Variants in DNAH5 observed in about 807,000 individuals in gnomAD.
DNAH5 encodes the protein axonemal beta dynein heavy chain 5.
In DNAH5, 372 loss-of-function variants were observed where a neutral mutation model predicts 518.2. The observed-to-expected ratio is 0.72, with a 90% CI of 0.66 to 0.78. The LOEUF (loss-of-function observed/expected upper bound fraction) is 0.78, where lower values mean the gene tolerates loss of function less well. Among genes scored for constraint, DNAH5 ranks in the 30% least tolerant of loss-of-function variants. The probability of loss-of-function intolerance (pLI) is 0.00; values close to 1 mark genes in which losing one functional copy is unlikely to be tolerated. For missense variants in DNAH5, 5,523 were observed against 5,687.0 expected, an observed-to-expected ratio of 0.97 and a Z score of 0.93; for synonymous variants, 2,039 against 2,025.9, an observed-to-expected ratio of 1.01 and a Z score of -0.17.
At chr5:13,838,370 A>G (rs932688890) in intron 35 of DNAH5, among the ~76,000 whole-genome samples, 10 of 152,148 alleles carry the variant, frequency 6.6e-5, no homozygotes, top group African/African-American at 2.2e-4. Context: ...AAGTGAGAGA[A>G]GCTTCATCTC....
chr5:13,981,373 G>T (rs1347708333), intron 1 of DNAH5, among the ~76,000 whole-genome samples: 1 of 152,180 alleles, frequency 6.6e-6, no homozygotes, highest in Non-Finnish European at 1.5e-5. Context: ...CACCGTGCCT[G>T]GCTTAGAGTG....
intron 49 of DNAH5, among the ~76,000 whole-genome samples, chr5:13,793,110 G>A (rs1412385443): frequency 1.3e-5 from 2 of 152,066 alleles, no homozygotes; most frequent in Admixed American, 1.3e-4. Flanking sequence ...TATTTCTTTG[G>A]CCAAAATCAT....
At position 13,917,243 on chromosome 5, in the gene DNAH5, A is replaced by G; in HGVS notation, c.989T>C (p.Met330Thr). 6.2e-7 allele frequency: 1 copy of G among 1,613,790 alleles called. No homozygotes were observed. Among genetic ancestry groups the G allele is most frequent in the Admixed American group, 1.7e-5 (1 of 60,016 alleles). The change falls in exon 8 of 79, where the codon ATG becomes ACG. Residue 330 changes from methionine (M) to threonine (T), a missense_variant. This residue lies in a region of DNAH5 where 5,121 missense variants were observed against 5,223.3 expected (regional missense o/e 0.98). Coordinates refer to ENST00000265104, the MANE Select transcript of DNAH5 (RefSeq NM_001369.3). Reference sequence around the variant, plus strand: ...AGTTGCATCAGTGATTCGAATATCCATCTCCCGCCAAGTCTAAGCACAATA... The same window carrying G: ...AGTTGCATCAGTGATTCGAATATCCGTCTCCCGCCAAGTCTAAGCACAATA... ...KSKLLKTWRE[M>T]DIRITDATNE...
chr5:13,950,003 G>T (rs557737634), intron 1 of DNAH5, among the ~76,000 whole-genome samples: 3 of 152,134 alleles, frequency 2.0e-5, no homozygotes, highest in Non-Finnish European at 4.4e-5. Flanking sequence ...CTGGCTCCAA[G>T]AAAAATGCAC....
At chr5:13,902,651 T>C (rs1427811492) in intron 12 of DNAH5, among the ~76,000 whole-genome samples, 1 of 152,192 alleles carries the variant, frequency 6.6e-6, no homozygotes, top group Admixed American at 6.5e-5. Context: ...AAAGCACCCA[T>C]AGACAGTACA....
chr5:13,813,297 C>T (rs2127036150), intron 43 of DNAH5, among the ~76,000 whole-genome samples: 1 of 152,236 alleles, frequency 6.6e-6, no homozygotes, highest in Non-Finnish European at 1.5e-5. Context: ...CATGCATTAG[C>T]TAGTACTCCT....
Position 13,810,251 on chromosome 5 carries a change from C to T in DNAH5, c.7417G>A (p.Gly2473Arg), listed in dbSNP as rs761488491. ...CCCAGGTGAGCCTGGCTCACCTCCC[C>T]GCCTTGCTCCTGAGAAGGAAAGACA... ...QGLIPLKEQG[G>R]EVSQAHLGRL... Residue 2473 changes from glycine (G) to arginine (R), a missense_variant, in exon 45 of 79, where the codon GGG (glycine) becomes AGG (arginine). By Grantham distance (125) the Gly-to-Arg change is moderately radical (BLOSUM62 -2). Coordinates refer to ENST00000265104, the MANE Select transcript of DNAH5 (RefSeq NM_001369.3). 5 of 1,550,466 alleles carry T rather than the reference C, an allele frequency of 3.2e-6. No individual in the cohort carries two copies. The highest frequency in any genetic ancestry group is 2.4e-5 in the South Asian group (2 of 84,088).
intron 35 of DNAH5, among the ~76,000 whole-genome samples, chr5:13,832,334 G>T (rs903907560): frequency 6.6e-6 from 1 of 152,186 alleles, no homozygotes; most frequent in Non-Finnish European, 1.5e-5. Flanking sequence ...TGAAAAGCAG[G>T]TGGGCATGCC....
At chr5:13,937,881 G>C (rs1386671271) in intron 1 of DNAH5, among the ~76,000 whole-genome samples, 1 of 152,044 alleles carries the variant, frequency 6.6e-6, no homozygotes, top group Non-Finnish European at 1.5e-5. Context: ...GAATAATATA[G>C]GTTAAAATCC....
rs570560173 is a variant in DNAH5, at chr5:13,891,177, A to T, written c.2432-56T>A. ...GATTAGGTAAAGCATTTTGTTTTTT[A>T]AAAAAATCAACACTTGATTAAATGA... On this transcript the variant is annotated intron_variant, in intron 16 of 78. Transcript: ENST00000265104. 3.7e-4 allele frequency: 589 copies of T among 1,583,720 alleles called. 3 individuals are homozygous for T. The highest frequency in any genetic ancestry group is 3.6e-3 in the South Asian group (321 of 90,188).
chr5:13,935,597 T>C (rs538141117), intron 1 of DNAH5, among the ~76,000 whole-genome samples: 63 of 152,218 alleles, frequency 4.1e-4, no homozygotes, highest in Non-Finnish European at 8.4e-4. Context: ...TGTTTATCAA[T>C]CTCAACTTTC....
At chr5:13,866,529 A>C (rs926026293) in intron 25 of DNAH5, among the ~76,000 whole-genome samples, 19 of 152,208 alleles carry the variant, frequency 1.2e-4, no homozygotes, top group African/African-American at 4.6e-4. Flanking sequence ...TGTATTATTC[A>C]TTTCTTAGGT....
chr5:13,948,077 G>A (rs1274725092), upstream of DNAH5, among the ~76,000 whole-genome samples: 1 of 152,194 alleles, frequency 6.6e-6, no homozygotes, highest in African/African-American at 2.4e-5. Flanking sequence ...GGAAGTTACA[G>A]CCAACAAACC....
At chr5:13,737,601 T>C (rs1475278002) in intron 65 of DNAH5, 106 bp from the exon 66 acceptor site, 4 of 1,192,676 alleles carry the variant, frequency 3.4e-6, no homozygotes, top group Non-Finnish European at 3.6e-6. Flanking sequence ...ATACTGTATT[T>C]ATCATAATCA....
intron 16 of DNAH5, 117 bp from the exon 17 acceptor site, chr5:13,891,238 G>C (rs980348564): frequency 1.8e-6 from 2 of 1,092,390 alleles, no homozygotes; most frequent in Non-Finnish European, 2.7e-6. Flanking sequence ...TCTCAGTTAC[G>C]TATGTTCCCC....
chr5:13,995,352 T>C (rs568722905), intron 1 of DNAH5, among the ~76,000 whole-genome samples: 7 of 152,274 alleles, frequency 4.6e-5, no homozygotes, highest in African/African-American at 1.7e-4. Flanking sequence ...TCTTTAGCTC[T>C]TTTCTTCCAT....
intron 14 of DNAH5, 147 bp from the exon 15 acceptor site, chr5:13,900,559 TCTC>T: frequency 1.4e-6 from 1 of 707,244 alleles, no homozygotes; most frequent in Non-Finnish European, 2.5e-6. Flanking sequence ...CACTCACTCT[TCTC>T]CTAAATCCAG....
chr5:13,820,263 C>T, intron 41 of DNAH5, 83 bp downstream of exon 41: 1 of 1,375,322 alleles, frequency 7.3e-7, no homozygotes, highest in East Asian at 2.3e-5. Context: ...ATTGTATCTG[C>T]CTGTGTATCC....
chr5:13,938,209 T>C (rs1249157788), intron 1 of DNAH5, among the ~76,000 whole-genome samples: 1 of 152,068 alleles, frequency 6.6e-6, no homozygotes, highest in Non-Finnish European at 1.5e-5. Flanking sequence ...ATCATTGACA[T>C]CATCATAGCT....
Sources: allele counts gnomAD v4.1 joint callset (sites outside exome capture counted in the v4.1 genomes callset), GRCh38; gene constraint gnomAD v4.1.1; regional missense constraint gnomAD v4.1.1; transcripts MANE v1.5; gene names NCBI Gene and HGNC (gene_info 2026-07-23, HGNC 2026-07-21).